DOCK3: variants seen among roughly 807,000 people sequenced by gnomAD.
DOCK3 encodes dedicator of cytokinesis 3.
In DOCK3, 60 loss-of-function variants were observed where a neutral mutation model predicts 265.6. The ratio of observed to expected loss-of-function variants is 0.23; its 90% CI spans 0.18 to 0.28. DOCK3 has a LOEUF of 0.28. DOCK3 is among the 10% of genes least tolerant of loss of function. The probability of loss-of-function intolerance (pLI) is 1.00; values close to 1 mark genes in which losing one functional copy is unlikely to be tolerated. For missense variants in DOCK3, 1,981 were observed against 2,594.3 expected, an observed-to-expected ratio of 0.76 and a Z score of 5.14; for synonymous variants, 881 against 938.0, an observed-to-expected ratio of 0.94 and a Z score of 1.11.
At chr3:50,981,303 C>T (rs145843698) in intron 5 of DOCK3, among the ~76,000 whole-genome samples, 3 of 152,268 alleles carry the variant, frequency 2.0e-5, no homozygotes, top group African/African-American at 7.2e-5. Flanking sequence ...TGACAGATCA[C>T]AGTATATCCG....
chr3:50,817,109 C>T (rs527543139), intron 2 of DOCK3, among the ~76,000 whole-genome samples: 1 of 152,290 alleles, frequency 6.6e-6, no homozygotes, highest in Non-Finnish European at 1.5e-5. Context: ...GTGGATTATT[C>T]ATGCCTCCTC....
At chr3:51,301,140 C>A (rs1217296835) in intron 27 of DOCK3, among the ~76,000 whole-genome samples, 1 of 151,974 alleles carries the variant, frequency 6.6e-6, no homozygotes, top group East Asian at 1.9e-4. Context: ...GGAGGCTGTA[C>A]GTGTCCAGGA....
chr3:51,356,866 G>A, intron 43 of DOCK3, 96 bp from the exon 44 acceptor site: 1 of 1,381,674 alleles, frequency 7.2e-7, no homozygotes, highest in African/African-American at 1.5e-5. Flanking sequence ...ACAAGGAAGG[G>A]GAATCAATAC....
At chr3:51,358,988 A>G (rs2086553680) in intron 46 of DOCK3, among the ~76,000 whole-genome samples, 1 of 152,216 alleles carries the variant, frequency 6.6e-6, no homozygotes. Context: ...TATGAGCCCA[A>G]TTACCTGCTG....
chr3:51,201,334 A>G (rs2088753253), intron 12 of DOCK3, among the ~76,000 whole-genome samples: 1 of 151,806 alleles, frequency 6.6e-6, no homozygotes, highest in African/African-American at 2.4e-5. Context: ...AGGAAGATCT[A>G]CCAAGCAAAT....
intron 5 of DOCK3, among the ~76,000 whole-genome samples, chr3:50,948,346 C>T (rs1411748347): frequency 2.7e-5 from 4 of 149,654 alleles, no homozygotes; most frequent in African/African-American, 4.9e-5. Flanking sequence ...TGAGCCACCG[C>T]GCCTGGCCTC....
At chr3:51,284,670 A>C (rs545848893) in intron 27 of DOCK3, among the ~76,000 whole-genome samples, 1 of 152,138 alleles carries the variant, frequency 6.6e-6, no homozygotes, top group Non-Finnish European at 1.5e-5. Context: ...CTAATGGAGC[A>C]AACAAACAAT....
chr3:50,995,469 G>T (rs1400561648), intron 5 of DOCK3, among the ~76,000 whole-genome samples: 1 of 152,220 alleles, frequency 6.6e-6, no homozygotes, highest in African/African-American at 2.4e-5. Flanking sequence ...CCTTTAAGGT[G>T]TCAAGATAGG....
At chr3:51,350,820 C>T (rs535686498) in intron 40 of DOCK3, among the ~76,000 whole-genome samples, 1 of 152,314 alleles carries the variant, frequency 6.6e-6, no homozygotes, top group East Asian at 1.9e-4. Flanking sequence ...GGTTTTTCCT[C>T]CTGGCTGCAC....
chr3:51,380,766 T>C, intron 52 of DOCK3, among the ~76,000 whole-genome samples: 1 of 152,122 alleles, frequency 6.6e-6, no homozygotes, highest in East Asian at 1.9e-4. Flanking sequence ...TTTATGTCAG[T>C]ATCCCAGAGC....
At chr3:51,209,562 A>G (rs2089398700) in intron 13 of DOCK3, among the ~76,000 whole-genome samples, 1 of 152,234 alleles carries the variant, frequency 6.6e-6, no homozygotes, top group African/African-American at 2.4e-5. Flanking sequence ...ACGCAGAACC[A>G]GGTTACTCCT....
intron 20 of DOCK3, 121 bp from the exon 21 acceptor site, chr3:51,237,369 G>A (rs1336956691): frequency 4.0e-6 from 3 of 756,188 alleles, no homozygotes; most frequent in Non-Finnish European, 6.6e-6. Context: ...TACCCATGGG[G>A]AATGCTAGAG....
intron 5 of DOCK3, among the ~76,000 whole-genome samples, chr3:50,939,843 A>G (rs1464389180): frequency 3.3e-5 from 5 of 152,164 alleles, no homozygotes; most frequent in Admixed American, 6.5e-5. Flanking sequence ...TCAACACAAT[A>G]TTAGAAGATT....
At chr3:50,927,550 A>G (rs1309724209) in intron 4 of DOCK3, among the ~76,000 whole-genome samples, 1 of 152,226 alleles carries the variant, frequency 6.6e-6, no homozygotes, top group Non-Finnish European at 1.5e-5. Context: ...ATGTACAACT[A>G]TTATACATCC....
chr3:51,212,431 G>GTTTT (rs1198836971), intron 13 of DOCK3, among the ~76,000 whole-genome samples: 10 of 112,262 alleles, frequency 8.9e-5, no homozygotes, highest in African/African-American at 3.2e-4. Flanking sequence ...TACACCCACT[G>GTTTT]TTTTTTTTTT....
At position 51,312,884 on chromosome 3, in the gene DOCK3, A is replaced by G; in HGVS notation, c.3235A>G (p.Ser1079Gly). The change falls in exon 31 of 53, where the codon AGC (serine) becomes GGC (glycine). Residue 1079 changes from serine to glycine, a missense_variant. Physicochemically the swap from Ser to Gly is moderately conservative, Grantham distance 56 (BLOSUM62 0). Around this residue, in one of 4 missense-constraint regions of DOCK3, gnomAD observed 1,357 missense variants for 1,866.8 expected, o/e 0.73. Coordinates refer to ENST00000266037, the MANE Select transcript of DOCK3 (RefSeq NM_004947.5). ...TGTAATGATGGCCTATGAACTGTTCAGCATGTGGCAGAATTTGGGTAGGTT... is the reference window on the plus strand; with the variant it reads ...TGTAATGATGGCCTATGAACTGTTCGGCATGTGGCAGAATTTGGGTAGGTT... ...MRVMMAYELF[S>G]MWQNLGEHKI... 6.2e-7 allele frequency: 1 copy of G among 1,609,398 alleles called. No individual in the cohort carries two copies. The highest frequency in any genetic ancestry group is 8.5e-7 in the Non-Finnish European group (1 of 1,177,732).
intron 4 of DOCK3, among the ~76,000 whole-genome samples, chr3:50,926,972 C>A (rs2050788329): frequency 6.6e-6 from 1 of 152,188 alleles, no homozygotes; most frequent in Admixed American, 6.5e-5. Context: ...TTAAAACCTT[C>A]TAGCGACTCC....
intron 9 of DOCK3, among the ~76,000 whole-genome samples, chr3:51,139,752 A>G (rs1189747018): frequency 6.6e-6 from 1 of 152,256 alleles, no homozygotes. Flanking sequence ...TCTTGCCAAC[A>G]TATCAAAGTT....
At chr3:50,943,503 A>G (rs2076350108) in intron 5 of DOCK3, among the ~76,000 whole-genome samples, 1 of 152,162 alleles carries the variant, frequency 6.6e-6, no homozygotes, top group East Asian at 1.9e-4. Flanking sequence ...TATTTGGAAA[A>G]TGATTAAGAC....
Sources: allele counts gnomAD v4.1 joint callset (sites outside exome capture counted in the v4.1 genomes callset), GRCh38; gene constraint gnomAD v4.1.1; regional missense constraint gnomAD v4.1.1; transcripts MANE v1.5; gene names NCBI Gene and HGNC (gene_info 2026-07-23, HGNC 2026-07-21).